Variants in MYO16 observed in about 807,000 individuals in gnomAD.
The protein encoded by MYO16 is myosin XVI.
In MYO16, 94 loss-of-function variants were observed where a neutral mutation model predicts 205.3. The observed-to-expected ratio is 0.46, with a 90% CI of 0.39 to 0.54. MYO16 has a LOEUF of 0.54. Among genes scored for constraint, MYO16 ranks in the 20% least tolerant of loss-of-function variants. MYO16 has a pLI of 0.00. For missense variants in MYO16, 2,315 were observed against 2,387.5 expected, an observed-to-expected ratio of 0.97 and a Z score of 0.63; for synonymous variants, 988 against 954.0, an observed-to-expected ratio of 1.04 and a Z score of -0.66.
At chr13:108,496,926 A>G in the MYO16 span, among the ~76,000 whole-genome samples, 150,984 of 152,326 alleles carry the variant, frequency 0.99, 74,835 homozygotes, top group Middle Eastern at 1. Context: ...AGGCAGAAGC[A>G]CAGGGGAAGC....
At chr13:108,671,380 G>A (rs1881982816) in intron 2 of MYO16, among the ~76,000 whole-genome samples, 1 of 152,090 alleles carries the variant, frequency 6.6e-6, no homozygotes, top group South Asian at 2.1e-4. Flanking sequence ...TTAATGCCTT[G>A]TGAGAGAAAT....
In MYO16 at chr13:108,997,020, T is replaced by C. The variant is rs748053216; in HGVS notation, c.2442+4572T>C. 4.1e-4 allele frequency among the ~76,000 whole-genome samples: 63 copies of C among 152,190 alleles called. 1 individual carries two copies. The highest frequency in any genetic ancestry group is 2.6e-3 in the Admixed American group (40 of 15,268). The stretch of plus-strand genomic sequence containing the variant: ...ACAATATGCTGGAATGACAGGTGCA[T>C]TGGCTCCTGTCTGTAATCCCAGCAC... On this transcript the variant is annotated intron_variant, in intron 21 of 34. Transcript: ENST00000457511.
At chr13:108,633,558 G>A (rs1594160601) in intron 1 of MYO16, among the ~76,000 whole-genome samples, 1 of 152,172 alleles carries the variant, frequency 6.6e-6, no homozygotes, top group East Asian at 1.9e-4. Flanking sequence ...TGTCCATCCA[G>A]ATCGAGGGTG....
chr13:108,557,215 T>C, the MYO16 span, among the ~76,000 whole-genome samples: 6,686 of 152,290 alleles, frequency 0.044, 440 homozygotes, highest in African/African-American at 0.15. Context: ...TAGATTACTT[T>C]CAGTAGTATG....
At chr13:108,593,453 A>G (rs1229743587), upstream of MYO16, among the ~76,000 whole-genome samples, 1 of 152,134 alleles carries the variant, frequency 6.6e-6, no homozygotes, top group Non-Finnish European at 1.5e-5. Context: ...TGTTTCCTTC[A>G]CCTGGACGCA....
intron 23 of MYO16, among the ~76,000 whole-genome samples, chr13:109,036,312 A>G (rs888605387): frequency 2.0e-5 from 3 of 152,224 alleles, no homozygotes; most frequent in Non-Finnish European, 4.4e-5. Context: ...TCAGTTAGGA[A>G]GAAAATCCAT....
chr13:108,707,083 G>A (rs978944098), intron 2 of MYO16, among the ~76,000 whole-genome samples: 1 of 152,120 alleles, frequency 6.6e-6, no homozygotes, highest in African/African-American at 2.4e-5. Context: ...AATCAAATCA[G>A]AAGCAATCAC....
At chr13:109,067,570 T>C (rs1887791735) in intron 27 of MYO16, among the ~76,000 whole-genome samples, 2 of 152,152 alleles carry the variant, frequency 1.3e-5, no homozygotes, top group African/African-American at 4.8e-5. Flanking sequence ...TGACTGTCAT[T>C]AGCATCCACC....
intron 34 of MYO16, among the ~76,000 whole-genome samples, chr13:109,195,715 T>A (rs2139956503): frequency 6.6e-6 from 1 of 152,214 alleles, no homozygotes; most frequent in East Asian, 1.9e-4. Context: ...AATAGAAAAA[T>A]CAATTCTGTG....
In MYO16 at chr13:109,029,605, C is replaced by T. The variant is rs1886486206; in HGVS notation, c.2796+9694C>T. ...CTTTTCTCCAGGCAGAATCCCCAGA[C>T]ATAACAATCAAATCAGTCTGGTCTA... On this transcript the variant is annotated intron_variant, in intron 23 of 34. Coordinates refer to ENST00000457511, the MANE Select transcript of MYO16 (RefSeq NM_001198950.3). Among the ~76,000 whole-genome samples the T allele has an allele frequency of 2.0e-5, 3 of 152,176 alleles. 1 individual carries two copies. In the South Asian group the frequency reaches 6.2e-4, roughly 32 times the overall value.
chr13:108,664,068 C>T (rs1231926160), intron 1 of MYO16, among the ~76,000 whole-genome samples: 1 of 152,176 alleles, frequency 6.6e-6, no homozygotes, highest in Non-Finnish European at 1.5e-5. Flanking sequence ...AATTTGTCAT[C>T]GTTTCAGAAC....
intron 16 of MYO16, among the ~76,000 whole-genome samples, chr13:108,957,037 G>A (rs1276385537): frequency 1.3e-5 from 2 of 152,074 alleles, no homozygotes; most frequent in South Asian, 2.1e-4. Context: ...GGCATCTTTA[G>A]TTCAAATATT....
intron 4 of MYO16, among the ~76,000 whole-genome samples, chr13:108,762,865 G>A (rs1594274501): frequency 6.6e-6 from 1 of 152,202 alleles, no homozygotes; most frequent in East Asian, 1.9e-4. Flanking sequence ...TGATAGATGT[G>A]GTCTTTGCAT....
chr13:109,037,774 G>T (rs1036157270), intron 23 of MYO16, among the ~76,000 whole-genome samples: 2 of 152,200 alleles, frequency 1.3e-5, no homozygotes, highest in African/African-American at 4.8e-5. Flanking sequence ...TGGAAACTCA[G>T]TAACTTGCCC....
At chr13:108,791,555 GTT>G (rs1886616298) in intron 5 of MYO16, among the ~76,000 whole-genome samples, 1 of 152,292 alleles carries the variant, frequency 6.6e-6, no homozygotes, top group East Asian at 1.9e-4. Context: ...CAGAGGATAA[GTT>G]ACTTGCCCAC....
At chr13:108,657,009 T>A (rs1881274813) in intron 1 of MYO16, among the ~76,000 whole-genome samples, 1 of 152,250 alleles carries the variant, frequency 6.6e-6, no homozygotes. Context: ...GAGGCTCACC[T>A]AAGAAGGCAC....
intron 15 of MYO16, 92 bp downstream of exon 15, chr13:108,898,225 A>C (rs1880525408): frequency 1.1e-6 from 1 of 930,374 alleles, no homozygotes; most frequent in South Asian, 1.4e-5. Flanking sequence ...ACTGTGTATG[A>C]ATCAATGCTG....
rs7317195 is a variant in MYO16, at chr13:108,943,414, A to G, written c.1926-14274A>G. Among the ~76,000 whole-genome samples the G allele has an allele frequency of 7.8e-3, 1,189 of 152,312 alleles. 16 individuals carry two copies. Among genetic ancestry groups the G allele is most frequent in the African/African-American group, 0.028 (1,148 of 41,578 alleles). Reference sequence around the variant, plus strand: ...ACTTTTGTTTAAGGGTGATATCATCAACATTTTTAAAATGTCAAATGAACC... The same window carrying G: ...ACTTTTGTTTAAGGGTGATATCATCGACATTTTTAAAATGTCAAATGAACC... On this transcript the variant is annotated intron_variant, in intron 16 of 34. Transcript: ENST00000457511.
chr13:108,990,091 C>A (rs1884776295), intron 20 of MYO16, among the ~76,000 whole-genome samples: 1 of 151,860 alleles, frequency 6.6e-6, no homozygotes, highest in Non-Finnish European at 1.5e-5. Context: ...CAAAGTCTGA[C>A]AAACTTTATC....
Sources: gnomAD v4.1 joint callset for allele counts (sites outside exome capture counted in the v4.1 genomes callset) on GRCh38, gnomAD v4.1.1 for gene constraint, MANE v1.5 for transcripts, NCBI Gene and HGNC (gene_info 2026-07-23, HGNC 2026-07-21) for gene names.